Variants in CAMTA1 observed in about 807,000 individuals in gnomAD.
The protein encoded by CAMTA1 is calmodulin binding transcription activator 1.
In CAMTA1, 27 loss-of-function variants were observed where a neutral mutation model predicts 170.9. The ratio of observed to expected loss-of-function variants is 0.16; its 90% confidence interval spans 0.12 to 0.22. The LOEUF is 0.22. Ranked by LOEUF, CAMTA1 falls within the 10% of genes least tolerant of loss-of-function variation. The probability of loss-of-function intolerance (pLI) is 1.00; values close to 1 mark genes in which losing one functional copy is unlikely to be tolerated. For missense variants in CAMTA1, 1,619 were observed against 2,217.2 expected, an observed-to-expected ratio of 0.73 and a Z score of 5.42; for synonymous variants, 833 against 891.5, an observed-to-expected ratio of 0.93 and a Z score of 1.17.
chr1:7,344,270 A>G (rs1395687496), intron 5 of CAMTA1, among the ~76,000 whole-genome samples: 2 of 152,214 alleles, frequency 1.3e-5, no homozygotes, highest in Non-Finnish European at 2.9e-5. Context: ...CTTCCCTGGC[A>G]TAGCAGCTCA....
chr1:7,228,682 T>C (rs1662146465), intron 4 of CAMTA1, among the ~76,000 whole-genome samples: 1 of 152,112 alleles, frequency 6.6e-6, no homozygotes, highest in African/African-American at 2.4e-5. Context: ...GGGGATGGCG[T>C]TGCGGCACAG....
intron 11 of CAMTA1, among the ~76,000 whole-genome samples, chr1:7,728,211 G>C (rs1214005545): frequency 1.3e-5 from 2 of 152,252 alleles, no homozygotes; most frequent in African/African-American, 4.8e-5. Context: ...TGGAGGGGTT[G>C]ACCGGGTGAC....
intron 22 of CAMTA1, among the ~76,000 whole-genome samples, chr1:7,764,042 A>T (rs761780192): frequency 1.3e-5 from 2 of 152,192 alleles, no homozygotes; most frequent in Non-Finnish European, 2.9e-5. Flanking sequence ...TTCCAGCCAA[A>T]GGGATGTTAG....
chr1:6,814,819 C>T (rs2148390867), intron 1 of CAMTA1, among the ~76,000 whole-genome samples: 1 of 152,312 alleles, frequency 6.6e-6, no homozygotes. Flanking sequence ...GGTAAATACA[C>T]TTTTCATTAT....
intron 7 of CAMTA1, among the ~76,000 whole-genome samples, chr1:7,653,348 AC>A (rs1216942670): frequency 5.3e-5 from 8 of 151,556 alleles, no homozygotes; most frequent in Non-Finnish European, 1.0e-4. Context: ...TGTAGCCTCG[AC>A]CTCCCTGGGC....
intron 6 of CAMTA1, among the ~76,000 whole-genome samples, chr1:7,530,232 C>G (rs1262945494): frequency 1.3e-5 from 2 of 152,230 alleles, no homozygotes; most frequent in Non-Finnish European, 2.9e-5. Flanking sequence ...CAGCTGGCCC[C>G]AGCTCGTCCT....
intron 3 of CAMTA1, among the ~76,000 whole-genome samples, chr1:6,988,186 G>A (rs1250911705): frequency 1.3e-5 from 2 of 152,152 alleles, no homozygotes; most frequent in Non-Finnish European, 2.9e-5. Flanking sequence ...GGGACCCCCA[G>A]TGCAGTCTGG....
At chr1:7,697,249 G>A (rs1226123325) in intron 11 of CAMTA1, among the ~76,000 whole-genome samples, 9 of 150,862 alleles carry the variant, frequency 6.0e-5, no homozygotes, top group Non-Finnish European at 1.2e-4. Context: ...TCTATCCCCT[G>A]AGCCCTCACT....
intron 4 of CAMTA1, among the ~76,000 whole-genome samples, chr1:7,233,975 A>G (rs1401392249): frequency 6.6e-6 from 1 of 151,940 alleles, no homozygotes; most frequent in African/African-American, 2.4e-5. Flanking sequence ...CGCTTACCGG[A>G]GTTGCACTCT....
Position 7,104,093 on chromosome 1 carries a change from C to T in CAMTA1, c.302+12722C>T, listed in dbSNP as rs545695987. 5.5e-3 allele frequency among the ~76,000 whole-genome samples: 807 copies of T among 147,188 alleles called. 8 individuals carry two copies. Among genetic ancestry groups the T allele is most frequent in the Middle Eastern group, 0.014 (4 of 276 alleles). ...ACTACACAGATGTACACACAACACA[C>T]ATACACAACTACACACATGTACACA... On this transcript the variant is annotated intron_variant, in intron 4 of 22. Transcript: ENST00000303635.
chr1:7,687,935 G>A (rs910281746), intron 11 of CAMTA1, among the ~76,000 whole-genome samples: 13 of 151,990 alleles, frequency 8.6e-5, no homozygotes, highest in Non-Finnish European at 1.3e-4. Context: ...CAGATTCACC[G>A]GAAGCCTGCC....
chr1:6,843,979 C>A (rs931975176), intron 3 of CAMTA1, among the ~76,000 whole-genome samples: 2 of 152,186 alleles, frequency 1.3e-5, no homozygotes, highest in Non-Finnish European at 2.9e-5. Flanking sequence ...CTAGAATTAT[C>A]TATGAGAGTG....
chr1:6,790,061 A>ACCTCAGCCTCCCTTG (rs1553143614), intron 1 of CAMTA1, among the ~76,000 whole-genome samples: 1 of 150,834 alleles, frequency 6.6e-6, no homozygotes, highest in Non-Finnish European at 1.5e-5. Flanking sequence ...TGATCCGCCT[A>ACCTCAGCCTCCCTTG]CCTCAGCCTC....
Position 7,567,580 on chromosome 1 carries a change from G to T in CAMTA1, c.511-72820G>T, listed in dbSNP as rs147313230. ...TAGGCCCAACCCCTGTGCCAGCCCA[G>T]CTTCCTGGTGGGTTGTTTGCACTGG... is the stretch of plus-strand genomic sequence containing the variant. On this transcript the variant is annotated intron_variant, in intron 6 of 22. Transcript: ENST00000303635. Among the ~76,000 whole-genome samples, 851 of 152,340 alleles carry T rather than the reference G, an allele frequency of 5.6e-3. 8 individuals carry two copies. The highest frequency in any genetic ancestry group is 0.02 in the African/African-American group (815 of 41,584).
At chr1:7,701,287 C>T (rs1458007395) in intron 11 of CAMTA1, among the ~76,000 whole-genome samples, 1 of 152,228 alleles carries the variant, frequency 6.6e-6, no homozygotes, top group Non-Finnish European at 1.5e-5. Flanking sequence ...GGCACAACAG[C>T]AGGCAGATAA....
chr1:7,599,778 G>A (rs2095426491), intron 6 of CAMTA1, among the ~76,000 whole-genome samples: 1 of 152,116 alleles, frequency 6.6e-6, no homozygotes, highest in African/African-American at 2.4e-5. Context: ...TGTGATTTTT[G>A]CACATTGATT....
intron 4 of CAMTA1, among the ~76,000 whole-genome samples, chr1:7,184,305 G>A (rs1273039077): frequency 6.6e-6 from 1 of 152,086 alleles, no homozygotes; most frequent in Non-Finnish European, 1.5e-5. Flanking sequence ...CCTAGTATTT[G>A]CTAACACAAT....
At chr1:7,254,195 A>G (rs1200382270) in intron 5 of CAMTA1, among the ~76,000 whole-genome samples, 1 of 152,222 alleles carries the variant, frequency 6.6e-6, no homozygotes, top group Non-Finnish European at 1.5e-5. Flanking sequence ...ACAGGCAACC[A>G]GAATCGTGAT....
rs186026766 is a variant in CAMTA1, at chr1:6,968,701, C to T, written c.235-122603C>T. 5.0e-4 allele frequency among the ~76,000 whole-genome samples: 75 copies of T among 151,176 alleles called. 2 individuals are homozygous for T. The highest frequency in any genetic ancestry group is 1.7e-3 in the African/African-American group (68 of 41,000). On this transcript the variant is annotated intron_variant, in intron 3 of 22. Transcript: ENST00000303635. ...CAGGAAATTCTACCGGAAATTCTACCGTAGCAAGTGCTATCTAAGTGGAGA... is the reference window on the plus strand; with the variant it reads ...CAGGAAATTCTACCGGAAATTCTACTGTAGCAAGTGCTATCTAAGTGGAGA...
Sources: allele counts gnomAD v4.1 joint callset (sites outside exome capture counted in the v4.1 genomes callset), GRCh38; gene constraint gnomAD v4.1.1; transcripts MANE v1.5; gene names NCBI Gene and HGNC (gene_info 2026-07-23, HGNC 2026-07-21).